The following CYRIA variants were observed in gnomAD, a reference collection of about 807,000 sequenced individuals.
CYRIA encodes the protein CYFIP-related Rac1 interactor A.
CYRIA carries 15 observed loss-of-function variants against 43.9 expected under a neutral mutation model. The observed-to-expected ratio is 0.34, with a 90% CI of 0.23 to 0.53. The LOEUF (loss-of-function observed/expected upper bound fraction) is 0.53, where lower values mean the gene tolerates loss of function less well. Ranked by LOEUF, CYRIA falls within the 20% of genes least tolerant of loss-of-function variation. The pLI, the probability that CYRIA is intolerant of heterozygous loss-of-function variation, is 0.94. For synonymous variants in CYRIA, 117 were observed against 136.0 expected (o/e 0.86, Z 0.97); for missense variants, 236 against 394.2 (o/e 0.60, Z 3.40).
At chr2:16,631,366 G>T (rs13403915) in intron 1 of CYRIA, among the ~76,000 whole-genome samples, 7,059 of 152,286 alleles carry the variant, frequency 0.046, 530 homozygotes, top group African/African-American at 0.16. Flanking sequence ...CGTAGCTGGG[G>T]AGGAAGGAAA....
At chr2:16,606,098 G>A (rs1255016228) in intron 2 of CYRIA, among the ~76,000 whole-genome samples, 3 of 151,988 alleles carry the variant, frequency 2.0e-5, no homozygotes, top group African/African-American at 7.3e-5. Context: ...TTAGACTTCT[G>A]TCCCCAGCTC....
rs79793876 is a variant in CYRIA, at chr2:16,637,110, C to T, written c.-166-13091G>A. 3.2e-3 allele frequency among the ~76,000 whole-genome samples: 486 copies of T among 151,608 alleles called. 12 individuals carry two copies. In the East Asian group the frequency reaches 0.076, roughly 24 times the overall value. On this transcript the variant is annotated intron_variant, in intron 1 of 11. Coordinates refer to ENST00000381323, the MANE Select transcript of CYRIA (RefSeq NM_030797.4). Reference sequence around the variant, plus strand: ...ACATCCACATCCCAGCACAGTGGATCTTGTGATGCCCAGGCTGAGTGAGAT... The same window carrying T: ...ACATCCACATCCCAGCACAGTGGATTTTGTGATGCCCAGGCTGAGTGAGAT...
chr2:16,629,373 CT>C, intron 1 of CYRIA, among the ~76,000 whole-genome samples: 1 of 152,316 alleles, frequency 6.6e-6, no homozygotes, highest in East Asian at 1.9e-4. Flanking sequence ...AAGAATCTGC[CT>C]TCTTAGGAAT....
intron 5 of CYRIA, among the ~76,000 whole-genome samples, chr2:16,562,345 C>A (rs1041289219): frequency 1.3e-5 from 2 of 152,162 alleles, no homozygotes; most frequent in Non-Finnish European, 2.9e-5. Flanking sequence ...GGAAACCCCC[C>A]ATGGCCACAG....
intron 1 of CYRIA, among the ~76,000 whole-genome samples, chr2:16,658,308 A>G (rs1318388107): frequency 6.6e-6 from 1 of 152,236 alleles, no homozygotes; most frequent in Non-Finnish European, 1.5e-5. Context: ...GTCATTTCCC[A>G]CCCAGAGAAA....
rs1558426970 is a variant in CYRIA at position 16,613,558 on chromosome 2, T to TATATTTCTGCTAAATA, written c.-11+10305_-11+10306insTATTTAGCAGAAATAT. Among the ~76,000 whole-genome samples, 1,395 of 152,278 alleles carry TATATTTCTGCTAAATA rather than the reference T, an allele frequency of 9.2e-3. 22 individuals are homozygous for TATATTTCTGCTAAATA. Among genetic ancestry groups the TATATTTCTGCTAAATA allele is most frequent in the African/African-American group, 0.032 (1,316 of 41,514 alleles). ...CCCTCCAGTAGGTTAGTTTGAAGAG[T>TATATTTCTGCTAAATA]TACTATATTGTATATTTCTGCTAAA... On this transcript the variant is annotated intron_variant, in intron 2 of 11. Coordinates refer to ENST00000381323, the MANE Select transcript of CYRIA (RefSeq NM_030797.4).
At chr2:16,658,899 T>C (rs1670179660) in intron 1 of CYRIA, among the ~76,000 whole-genome samples, 1 of 152,234 alleles carries the variant, frequency 6.6e-6, no homozygotes, top group Non-Finnish European at 1.5e-5. Flanking sequence ...GACTGCAAGC[T>C]GTACCAAGGA....
chr2:16,632,910 C>T (rs1669370385), intron 1 of CYRIA, among the ~76,000 whole-genome samples: 1 of 152,152 alleles, frequency 6.6e-6, no homozygotes, highest in Non-Finnish European at 1.5e-5. Context: ...CCCCAAGATG[C>T]AAAGGGATTC....
Position 16,555,096 on chromosome 2 carries a change from C to T in CYRIA, c.881G>A (p.Ser294Asn), listed in dbSNP as rs1485694016. 1.9e-6 allele frequency: 3 copies of T among 1,613,222 alleles called. No homozygotes were observed. In the Admixed American group the frequency reaches 5.0e-5, roughly 27 times the overall value. The stretch of plus-strand genomic sequence containing the variant: ...GAGGGCATTTAGCAGCCCCTCCACA[C>T]TGTCTGGGGCCTGCTCCTTCAAAAC... ...IKVLKEQAPDSVEGLLNALRF... is the reference protein window; with the variant it reads ...IKVLKEQAPDNVEGLLNALRF... The change falls in exon 11 of 12, where the codon AGT (serine) becomes AAT (asparagine). Residue 294 changes from serine to asparagine, a missense_variant. By Grantham distance (46) the Ser-to-Asn change is conservative (BLOSUM62 1). Around this residue, in one of 3 missense-constraint regions of CYRIA, gnomAD observed 40 missense variants for 62.2 expected, o/e 0.64. Coordinates refer to ENST00000381323, the MANE Select transcript of CYRIA (RefSeq NM_030797.4).
chr2:16,614,530 G>A (rs1373188137), intron 2 of CYRIA, among the ~76,000 whole-genome samples: 1 of 152,154 alleles, frequency 6.6e-6, no homozygotes, highest in Non-Finnish European at 1.5e-5. Context: ...CGAACGCTTT[G>A]CCTTTCACCC....
intron 3 of CYRIA, among the ~76,000 whole-genome samples, chr2:16,580,658 T>G (rs1336516694): frequency 6.6e-6 from 1 of 152,110 alleles, no homozygotes; most frequent in African/African-American, 2.4e-5. Context: ...AAAATTTACT[T>G]AGAAAAGTAA....
At chr2:16,614,740 C>T (rs956809285) in intron 2 of CYRIA, among the ~76,000 whole-genome samples, 11 of 152,184 alleles carry the variant, frequency 7.2e-5, no homozygotes, top group African/African-American at 2.2e-4. Flanking sequence ...TACACTGAGA[C>T]GGAGCGTAGA....
chr2:16,605,371 TC>T (rs1396569568), intron 2 of CYRIA, among the ~76,000 whole-genome samples: 1 of 152,230 alleles, frequency 6.6e-6, no homozygotes, highest in Non-Finnish European at 1.5e-5. Flanking sequence ...ATGGAAGCAA[TC>T]AAACTGGGCT....
rs181468239 is a variant in CYRIA, at chr2:16,559,611, C to T, written c.711-25G>A. 5.8e-5 allele frequency: 93 copies of T among 1,607,664 alleles called. No individual in the cohort carries two copies. In the East Asian group the frequency reaches 8.7e-4, roughly 15 times the overall value. Reference sequence around the variant, plus strand: ...CCTGCAAGAGAAGAAACAGCAGTGGCGTCACTTCCTTGTCAGAACATGTGC... The same window carrying T: ...CCTGCAAGAGAAGAAACAGCAGTGGTGTCACTTCCTTGTCAGAACATGTGC... On this transcript the variant is annotated intron_variant, in intron 9 of 11. Transcript: ENST00000381323.
chr2:16,605,431 C>T (rs374764204), intron 2 of CYRIA, among the ~76,000 whole-genome samples: 1 of 152,252 alleles, frequency 6.6e-6, no homozygotes, highest in Non-Finnish European at 1.5e-5. Flanking sequence ...AATCTGTCCC[C>T]TTTCTCTTGG....
At position 16,572,142 on chromosome 2, in the gene CYRIA, A is replaced by G. The variant is rs147386419; in HGVS notation, c.71-6375T>C. Among the ~76,000 whole-genome samples the G allele has an allele frequency of 6.2e-3, 937 of 152,216 alleles. 7 individuals are homozygous for G. The highest frequency in any genetic ancestry group is 0.022 in the African/African-American group (906 of 41,544). On this transcript the variant is annotated intron_variant, in intron 3 of 11. Transcript: ENST00000381323. ...GAGCAGTCCAAGGATGGCATTTTTGAGACCAGGTTTCACTGCCACTCAATA... is the reference window on the plus strand; with the variant it reads ...GAGCAGTCCAAGGATGGCATTTTTGGGACCAGGTTTCACTGCCACTCAATA...
intron 1 of CYRIA, among the ~76,000 whole-genome samples, chr2:16,660,628 G>A (rs1030067017): frequency 6.6e-6 from 1 of 152,124 alleles, no homozygotes; most frequent in Non-Finnish European, 1.5e-5. Context: ...GTACATATTT[G>A]TCAAATGAAT....
chr2:16,649,581 A>T (rs2103546056), intron 1 of CYRIA, among the ~76,000 whole-genome samples: 1 of 152,150 alleles, frequency 6.6e-6, no homozygotes, highest in South Asian at 2.1e-4. Flanking sequence ...TTTATACAGT[A>T]CAGTGGATGG....
At chr2:16,640,168 CT>C (rs1669631034) in intron 1 of CYRIA, among the ~76,000 whole-genome samples, 1 of 152,234 alleles carries the variant, frequency 6.6e-6, no homozygotes, top group Non-Finnish European at 1.5e-5. Context: ...AAAATCCACA[CT>C]TTTAAAAAAT....
Sources: gnomAD v4.1 joint callset for allele counts (sites outside exome capture counted in the v4.1 genomes callset) on GRCh38, gnomAD v4.1.1 for gene constraint, gnomAD v4.1.1 regional missense constraint, MANE v1.5 for transcripts, NCBI Gene and HGNC (gene_info 2026-07-23, HGNC 2026-07-21) for gene names.